Variants in DNAJC6 observed in about 807,000 individuals in gnomAD.
DNAJC6 encodes auxilin.
A neutral mutation model predicts 110.0 loss-of-function variants in DNAJC6; 34 were observed. That is an observed-to-expected ratio of 0.31 (90% CI 0.24 to 0.41). DNAJC6 has a LOEUF of 0.41. Among genes scored for constraint, DNAJC6 ranks in the 10% least tolerant of loss-of-function variants. The pLI, the probability that DNAJC6 is intolerant of heterozygous loss-of-function variation, is 1.00. For synonymous variants in DNAJC6, 406 were observed against 437.2 expected, an observed-to-expected ratio of 0.93 and a Z score of 0.89; for missense variants, 1,031 against 1,207.8, an observed-to-expected ratio of 0.85 and a Z score of 2.17.
intron 1 of DNAJC6, among the ~76,000 whole-genome samples, chr1:65,269,074 T>A (rs764564084): frequency 2.0e-5 from 3 of 152,014 alleles, no homozygotes; most frequent in African/African-American, 4.8e-5. Flanking sequence ...ATAGTAGGAT[T>A]TAAAAGTTGT....
rs1646162414 is a variant in DNAJC6, at chr1:65,415,473, C to T, written c.*2448C>T. The T allele has an allele frequency of 6.6e-6, 1 of 151,892 alleles. No individual in the cohort carries two copies. The highest frequency in any genetic ancestry group is 1.9e-4 in the East Asian group (1 of 5,132). The allele number at this position is 151,892 out of a possible 1,614,324, so 9.4% of individuals were successfully genotyped here. A position where few individuals can be genotyped will look rare whatever the true frequency, so the allele number is the denominator to read the frequency against. The stretch of plus-strand genomic sequence containing the variant: ...CAACACACACACACACACACACACA[C>T]ACACACACACACATGCACGCACACA... On this transcript the variant is annotated 3_prime_UTR_variant, in exon 19 of 19. Transcript: ENST00000371069.
At chr1:65,411,145 G>C (rs1646125155) in intron 17 of DNAJC6, 105 bp from the exon 18 acceptor site, 1 of 1,169,674 alleles carries the variant, frequency 8.5e-7, no homozygotes, top group Admixed American at 2.5e-5. Flanking sequence ...GTTGCCCTAA[G>C]TGTTTTGATG....
chr1:65,292,834 C>T (rs1455579864), intron 1 of DNAJC6, among the ~76,000 whole-genome samples: 3 of 152,174 alleles, frequency 2.0e-5, no homozygotes, highest in African/African-American at 7.2e-5. Flanking sequence ...CACAATTCTG[C>T]TGGCAGTAAT....
intron 17 of DNAJC6, among the ~76,000 whole-genome samples, chr1:65,409,550 T>G (rs1177820680): frequency 6.6e-6 from 1 of 152,204 alleles, no homozygotes; most frequent in Admixed American, 6.5e-5. Context: ...ATTATTTATG[T>G]TTTCTCTTTC....
chr1:65,331,784 C>G (rs922859813), intron 1 of DNAJC6, among the ~76,000 whole-genome samples: 8 of 152,112 alleles, frequency 5.3e-5, no homozygotes, highest in African/African-American at 1.9e-4. Context: ...ATTGGGTGAC[C>G]AAATTGGCAA....
At chr1:65,407,069 A>G (rs1014336516) in intron 16 of DNAJC6, among the ~76,000 whole-genome samples, 9 of 152,212 alleles carry the variant, frequency 5.9e-5, no homozygotes, top group African/African-American at 2.2e-4. Flanking sequence ...AAAATATTAA[A>G]TGGAAAATTC....
chr1:65,345,302 A>G (rs1342042831), intron 1 of DNAJC6, among the ~76,000 whole-genome samples: 2 of 151,768 alleles, frequency 1.3e-5, no homozygotes, highest in Non-Finnish European at 2.9e-5. Flanking sequence ...ACTTTCCCAT[A>G]TAGAAATAAG....
In DNAJC6 at chr1:65,411,291, C is replaced by T. The variant is rs777357656; in HGVS notation, c.2676C>T (p.Ala892=). 1 of 1,613,726 alleles carries T rather than the reference C, an allele frequency of 6.2e-7. No homozygotes were observed. Among genetic ancestry groups the T allele is most frequent in the Admixed American group, 1.7e-5 (1 of 59,996 alleles). The part of the protein sequence containing the change: ...WIEGKERNIR[A]LLSTMHTVLW... ...AAGGCAAAGAAAGAAATATCAGAGC[C>T]CTTCTTTCCACGATGCATACCGTAC... The change falls in exon 18 of 19, where the codon GCC becomes GCT. Residue 892 remains alanine (A), a synonymous_variant. Coordinates refer to ENST00000371069, the MANE Select transcript of DNAJC6 (RefSeq NM_001256864.2).
intron 1 of DNAJC6, among the ~76,000 whole-genome samples, chr1:65,318,459 C>T (rs1645167415): frequency 1.3e-5 from 2 of 152,018 alleles, no homozygotes; most frequent in African/African-American, 4.8e-5. Context: ...ACCGGTGGTT[C>T]CTAACTGTGA....
At chr1:65,411,798 C>T (rs1456121683) in intron 18 of DNAJC6, among the ~76,000 whole-genome samples, 3 of 151,634 alleles carry the variant, frequency 2.0e-5, no homozygotes, top group Non-Finnish European at 4.4e-5. Context: ...GACAAAACCC[C>T]GTCCCTACAA....
intron 4 of DNAJC6, among the ~76,000 whole-genome samples, chr1:65,376,750 AT>A (rs1645769941): frequency 7.7e-6 from 1 of 130,702 alleles, no homozygotes; most frequent in African/African-American, 3.7e-5. Context: ...TATGATTTCT[AT>A]TTTATTTATT....
intron 15 of DNAJC6, among the ~76,000 whole-genome samples, chr1:65,402,396 A>G (rs537022382): frequency 2.2e-4 from 33 of 152,314 alleles, no homozygotes; most frequent in African/African-American, 7.2e-4. Flanking sequence ...TATTTTCACC[A>G]TATGTTAATA....
In DNAJC6 at chr1:65,401,414, G is replaced by A. The variant is rs564519280; in HGVS notation, c.2108-347G>A. ...CAAAGATGTTAAGCAAGATTCCCAC[G>A]GTCACTCAGGAATTGGCAAAGCCAG... On this transcript the variant is annotated intron_variant, in intron 14 of 18. Transcript: ENST00000371069. Among the ~76,000 whole-genome samples the A allele has an allele frequency of 5.9e-5, 9 of 152,218 alleles. No homozygotes were observed. The South Asian group carries it at 1.7e-3, about 28-fold the overall frequency.
chr1:65,324,321 T>G (rs542425809), intron 1 of DNAJC6, among the ~76,000 whole-genome samples: 13 of 152,056 alleles, frequency 8.5e-5, no homozygotes, highest in Admixed American at 6.6e-4. Context: ...GGACTGCAGG[T>G]GCACGCCACT....
intron 8 of DNAJC6, 67 bp downstream of exon 8, chr1:65,386,996 T>C (rs1645879241): frequency 7.5e-7 from 1 of 1,324,666 alleles, no homozygotes; most frequent in Non-Finnish European, 1.1e-6. Context: ...TTCTGAATCT[T>C]TTCTCCCCAT....
chr1:65,297,164 TG>T (rs1644936643), intron 1 of DNAJC6, among the ~76,000 whole-genome samples: 2 of 151,804 alleles, frequency 1.3e-5, no homozygotes, highest in South Asian at 4.2e-4. Flanking sequence ...ATTGGCCAGG[TG>T]GGGGATCACA....
At chr1:65,265,740 C>T (rs1456345537) in intron 1 of DNAJC6, among the ~76,000 whole-genome samples, 1 of 152,184 alleles carries the variant, frequency 6.6e-6, no homozygotes, top group Non-Finnish European at 1.5e-5. Context: ...GGAGGCTACA[C>T]GTGTTCCCCG....
intron 1 of DNAJC6, among the ~76,000 whole-genome samples, chr1:65,265,645 C>T (rs1352913385): frequency 6.6e-6 from 1 of 152,230 alleles, no homozygotes; most frequent in African/African-American, 2.4e-5. Flanking sequence ...AACAAGCATT[C>T]TGGAGGATTC....
At chr1:65,369,124 G>A (rs368438307) in intron 4 of DNAJC6, among the ~76,000 whole-genome samples, 3 of 152,094 alleles carry the variant, frequency 2.0e-5, no homozygotes, top group African/African-American at 7.2e-5. Flanking sequence ...CACATGCCAC[G>A]AGGCTTTTCC....
Sources: gnomAD v4.1 joint callset for allele counts (sites outside exome capture counted in the v4.1 genomes callset) on GRCh38, gnomAD v4.1.1 for gene constraint, MANE v1.5 for transcripts, NCBI Gene and HGNC (gene_info 2026-07-23, HGNC 2026-07-21) for gene names.